ZC4H2: variants seen among roughly 807,000 people sequenced by gnomAD.
ZC4H2 encodes the protein zinc finger C4H2-type containing.
For synonymous variants in ZC4H2, 84 were observed against 66.3 expected (o/e 1.27, Z -1.30); for missense variants, 137 against 173.9 (o/e 0.79, Z 1.19).
intron 1 of ZC4H2, among the ~76,000 whole-genome samples, chrX:64,951,811 C>G (rs1930853281): frequency 9.0e-6 from 1 of 110,942 alleles, no homozygotes; most frequent in Non-Finnish European, 1.9e-5. Flanking sequence ...TTAATTAGAT[C>G]CCATTTGTCA....
chrX:65,032,895 G>A lies in ZC4H2; in HGVS notation c.-272+1734C>T, dbSNP rs757735119. On this transcript the variant is annotated intron_variant, in intron 1 of 4. Coordinates refer to the ZC4H2 transcript ENST00000337990. ...AGGTTCAAGTGATTCTACTGCCCCC[G>A]CCTCCCAAGTAGCTGGGATTACAGG... Among the ~76,000 whole-genome samples, 63 of 110,874 alleles carry A rather than the reference G, an allele frequency of 5.7e-4. No individual in the cohort carries two copies. In the South Asian group the frequency reaches 0.012, roughly 20 times the overall value.
chrX:64,991,091 G>A, intron 1 of ZC4H2, among the ~76,000 whole-genome samples: 1 of 111,955 alleles, frequency 8.9e-6, no homozygotes, highest in East Asian at 2.8e-4. Flanking sequence ...ACTTCTTGGA[G>A]CCTCGGTTTC....
chrX:65,028,606 A>G (rs1932904206), intron 1 of ZC4H2, among the ~76,000 whole-genome samples: 1 of 108,965 alleles, frequency 9.2e-6, no homozygotes, highest in South Asian at 4.1e-4. Context: ...ATCCTGGGTC[A>G]CTGCAACCTC....
intron 1 of ZC4H2, among the ~76,000 whole-genome samples, chrX:65,029,694 G>A (rs1387630741): frequency 2.7e-5 from 3 of 111,652 alleles, no homozygotes; most frequent in Non-Finnish European, 5.6e-5. Context: ...TAGTCTATGT[G>A]AGACTGGAGG....
intron 1 of ZC4H2, among the ~76,000 whole-genome samples, chrX:65,007,561 G>T (rs1932688097): frequency 8.9e-6 from 1 of 111,774 alleles, no homozygotes; most frequent in Non-Finnish European, 1.9e-5. Flanking sequence ...GGGAAAAAGA[G>T]AAAAGTAACA....
rs1212956721 is a variant in ZC4H2, at chrX:64,950,964, A to G, written c.53+25361T>C. Among the ~76,000 whole-genome samples the G allele has an allele frequency of 2.8e-5, 3 of 108,985 alleles. No individual in the cohort carries two copies. In the East Asian group the frequency reaches 8.7e-4, roughly 32 times the overall value. The allele number at this position is 108,985 out of a possible 115,157, so 94.6% of individuals were successfully genotyped here. ...AATGCCATAGCTCCCCACTCTCCCC[A>G]CCCCACAACAGTCCCCAGAGTGTGA... On this transcript the variant is annotated intron_variant, in intron 1 of 4. Transcript: ENST00000374839.
chrX:65,016,038 G>T (rs886791570), intron 1 of ZC4H2, among the ~76,000 whole-genome samples: 2 of 111,671 alleles, frequency 1.8e-5, no homozygotes, highest in Non-Finnish European at 3.8e-5. Flanking sequence ...TCCTTGCAAG[G>T]CAGCTAGGTT....
chrX:64,923,923 AG>A (rs1929317404), intron 1 of ZC4H2, among the ~76,000 whole-genome samples: 1 of 111,455 alleles, frequency 9.0e-6, no homozygotes, highest in Non-Finnish European at 1.9e-5. Context: ...AAAAACATCA[AG>A]GGTTCTTGTT....
rs975908933 is a variant in ZC4H2 at position 64,935,040 on chromosome X, C to A, written c.54-13052G>T. On this transcript the variant is annotated intron_variant, in intron 1 of 4. Transcript: ENST00000374839. Reference sequence around the variant, plus strand: ...GCCAAGTAGTCTTGCTCAGTGGGTTCCAACCCCATGGATCCCAGCAAACTA... The same window carrying A: ...GCCAAGTAGTCTTGCTCAGTGGGTTACAACCCCATGGATCCCAGCAAACTA... 4.9e-4 allele frequency among the ~76,000 whole-genome samples: 54 copies of A among 111,228 alleles called. 1 individual carries two copies. The highest frequency in any genetic ancestry group is 1.5e-3 in the African/African-American group (47 of 30,595).
At chrX:64,939,848 A>G (rs1436069293) in intron 1 of ZC4H2, among the ~76,000 whole-genome samples, 2 of 111,762 alleles carry the variant, frequency 1.8e-5, no homozygotes, top group Admixed American at 9.5e-5. Flanking sequence ...AACCTAGGCA[A>G]TACCATTCAG....
intron 1 of ZC4H2, among the ~76,000 whole-genome samples, chrX:64,992,716 G>A (rs781252275): frequency 1.8e-5 from 2 of 111,327 alleles, no homozygotes; most frequent in South Asian, 3.8e-4. Context: ...GGTTGATACC[G>A]CCAAGTTCCA....
chrX:64,970,662 GAGA>G (rs1931751819), intron 1 of ZC4H2, among the ~76,000 whole-genome samples: 1 of 111,845 alleles, frequency 8.9e-6, no homozygotes, highest in Admixed American at 9.5e-5. Context: ...TGGGGAACTC[GAGA>G]AGGTTTTGGA....
chrX:64,957,809 C>A (rs908231713), intron 1 of ZC4H2, among the ~76,000 whole-genome samples: 1 of 110,724 alleles, frequency 9.0e-6, no homozygotes, highest in Non-Finnish European at 1.9e-5. Flanking sequence ...CTTCAATGAG[C>A]CATGATCATG....
chrX:64,954,390 T>A (rs865880788), intron 1 of ZC4H2, among the ~76,000 whole-genome samples: 1 of 72,145 alleles, frequency 1.4e-5, no homozygotes, highest in African/African-American at 1.3e-4. Flanking sequence ...ATATTTATAA[T>A]TATATATATA....
At chrX:65,033,413 A>C (rs1932962237) in intron 1 of ZC4H2, among the ~76,000 whole-genome samples, 1 of 111,978 alleles carries the variant, frequency 8.9e-6, no homozygotes, top group Non-Finnish European at 1.9e-5. Context: ...TGGAGGGTTT[A>C]TGCAGATTTC....
rs1206098001 is a variant in ZC4H2 at position 64,960,345 on chromosome X, A to C, written c.53+15980T>G. Among the ~76,000 whole-genome samples the C allele has an allele frequency of 3.6e-5, 4 of 110,877 alleles. No individual in the cohort carries two copies. The Admixed American group carries it at 3.8e-4, about 11-fold the overall frequency. On this transcript the variant is annotated intron_variant, in intron 1 of 4. Transcript: ENST00000374839. ...TTAATGAAAAAAAGGGGACTCTCTC[A>C]ATTTTCAGAGGATCCAACTCCACCA...
At chrX:65,006,462 A>G (rs770233481) in intron 1 of ZC4H2, among the ~76,000 whole-genome samples, 27 of 109,678 alleles carry the variant, frequency 2.5e-4, no homozygotes, top group Admixed American at 9.7e-4. Flanking sequence ...TGCAAGGACA[A>G]AAAACCAAGC....
intron 1 of ZC4H2, among the ~76,000 whole-genome samples, chrX:65,012,224 C>CAA (rs10606871): frequency 7.8e-3 from 195 of 24,870 alleles, no homozygotes; most frequent in Non-Finnish European, 0.011. Context: ...GACCCCGTCT[C>CAA]AAAAAAAAAA....
At chrX:64,928,808 TCTC>T (rs1481518113) in intron 1 of ZC4H2, among the ~76,000 whole-genome samples, 4 of 103,165 alleles carry the variant, frequency 3.9e-5, no homozygotes, top group Non-Finnish European at 7.9e-5. Flanking sequence ...TCCTTCTTCT[TCTC>T]CTTCTTCTTC....
Sources: gnomAD v4.1 joint callset for allele counts (sites outside exome capture counted in the v4.1 genomes callset) on GRCh38, gnomAD v4.1.1 for gene constraint, MANE v1.5 for transcripts, NCBI Gene and HGNC (gene_info 2026-07-23, HGNC 2026-07-21) for gene names.